SPIC: variants seen among roughly 807,000 people sequenced by gnomAD.
The protein encoded by SPIC is Spi-C transcription factor, also known as transcription factor Spi-C.
In SPIC, 9 loss-of-function variants were observed where a neutral mutation model predicts 16.7. The ratio of observed to expected loss-of-function variants is 0.54; its 90% CI spans 0.33 to 0.94. The LOEUF (loss-of-function observed/expected upper bound fraction) is 0.94. Among genes scored for constraint, SPIC ranks in the 40% least tolerant of loss-of-function variants. The pLI is 0.03. For missense variants in SPIC, 241 were observed against 285.8 expected (o/e 0.84, Z 1.13); for synonymous variants, 97 against 102.9 (o/e 0.94, Z 0.35).
intron 1 of SPIC, among the ~76,000 whole-genome samples, chr12:101,476,200 TAG>T (rs1872952865): frequency 1.3e-5 from 2 of 152,172 alleles, no homozygotes; most frequent in Non-Finnish European, 2.9e-5. Context: ...CTATAGAACG[TAG>T]AGTTAAAAGC....
At chr12:101,476,944 A>G (rs751588550) in intron 2 of SPIC, 37 bp downstream of exon 2, 4 of 1,393,762 alleles carry the variant, frequency 2.9e-6, no homozygotes, top group South Asian at 1.8e-5. Context: ...TACTCTGTCC[A>G]CAGAGGAGCT....
chr12:101,481,624 C>T (rs1012703261), intron 4 of SPIC, among the ~76,000 whole-genome samples: 1 of 151,806 alleles, frequency 6.6e-6, no homozygotes, highest in African/African-American at 2.4e-5. Context: ...ATTCTCCTGC[C>T]TCAGCCTCCC....
intron 5 of SPIC, 54 bp from the exon 6 acceptor site, chr12:101,486,290 A>T: frequency 6.6e-7 from 1 of 1,524,220 alleles, no homozygotes; most frequent in Non-Finnish European, 8.8e-7. Context: ...CTTTCTGAGG[A>T]TGTTCTCGGT....
Position 101,482,838 on chromosome 12 carries a change from T to A in SPIC, c.257T>A (p.Leu86Gln), listed in dbSNP as rs745667622. 1 of 1,614,058 alleles carries A rather than the reference T, an allele frequency of 6.2e-7. No homozygotes were observed. ...FYFEGNIHQS[L>Q]QNITENQLVQ... ...TTTGAAGGAAATATTCATCAATCTC[T>A]GCAGAACATAACTGAAAACCAGCTG... The change falls in exon 5 of 6, where the codon CTG (leucine) becomes CAG (glutamine). Residue 86 changes from leucine (L) to glutamine (Q), a missense_variant. By Grantham distance (113) the Leu-to-Gln change is moderately radical (BLOSUM62 -2). Coordinates refer to ENST00000551346, the MANE Select transcript of SPIC (RefSeq NM_152323.3).
chr12:101,482,735 A>G (rs915256547), intron 4 of SPIC, 57 bp from the exon 5 acceptor site: 2 of 1,529,512 alleles, frequency 1.3e-6, no homozygotes, highest in African/African-American at 1.4e-5. Context: ...ACTTCAGCCT[A>G]TAATAGGGGG....
chr12:101,479,432 A>C (rs1300755838), intron 3 of SPIC, 150 bp from the exon 4 acceptor site: 1 of 576,388 alleles, frequency 1.7e-6, no homozygotes, highest in African/African-American at 1.9e-5. Context: ...ATAGCAGCAT[A>C]ATGAGATAAA....
intron 5 of SPIC, among the ~76,000 whole-genome samples, chr12:101,484,009 T>C (rs1243679908): frequency 6.6e-6 from 1 of 151,814 alleles, no homozygotes; most frequent in Admixed American, 6.6e-5. Flanking sequence ...TTATTTATTT[T>C]TTAATTTTTT....
intron 2 of SPIC, among the ~76,000 whole-genome samples, 168 bp from the exon 3 acceptor site, chr12:101,477,390 A>G (rs1872989263): frequency 1.3e-5 from 2 of 152,298 alleles, no homozygotes; most frequent in East Asian, 3.9e-4. Flanking sequence ...GCTGCTAAAC[A>G]TCGTACAATG....
At chr12:101,485,196 G>A (rs1269745140) in intron 5 of SPIC, among the ~76,000 whole-genome samples, 1 of 152,188 alleles carries the variant, frequency 6.6e-6, no homozygotes, top group Non-Finnish European at 1.5e-5. Flanking sequence ...ACCTCCTCAA[G>A]GGAAAATGGA....
chr12:101,486,103 G>A (rs929783466), intron 5 of SPIC, among the ~76,000 whole-genome samples: 2 of 152,150 alleles, frequency 1.3e-5, no homozygotes, highest in Admixed American at 6.5e-5. Context: ...GCCCGGCCAG[G>A]CAACATTCTT....
intron 2 of SPIC, 77 bp downstream of exon 2, chr12:101,476,984 C>T: frequency 2.5e-6 from 2 of 789,738 alleles, no homozygotes; most frequent in African/African-American, 1.8e-5. Flanking sequence ...AAACTTTTTT[C>T]TTTACTCTCC....
intron 4 of SPIC, 96 bp from the exon 5 acceptor site, chr12:101,482,696 C>T (rs537963293): frequency 5.7e-5 from 67 of 1,175,886 alleles, no homozygotes; most frequent in East Asian, 5.0e-4. Context: ...ATCTGGGAGA[C>T]GCTTAGCCTC....
intron 3 of SPIC, among the ~76,000 whole-genome samples, chr12:101,478,421 G>A (rs1025512498): frequency 1.4e-4 from 21 of 151,886 alleles, no homozygotes; most frequent in African/African-American, 5.1e-4. Flanking sequence ...TGGAACTCCT[G>A]GACTCAAAAA....
rs1873122075 is a variant in SPIC at position 101,479,573 on chromosome 12, TA to T, written c.98-5del. 1 of 1,606,266 alleles carries T rather than the reference TA, an allele frequency of 6.2e-7. No individual in the cohort carries two copies. The highest frequency in any genetic ancestry group is 1.3e-5 in the African/African-American group (1 of 74,516). The stretch of plus-strand genomic sequence containing the variant: ...ACTTTTTTAGTTTCTTTCTCTGATT[TA>T]AAATTAGATTACAGAAATTACCTGG... On this transcript the variant is annotated splice_polypyrimidine_tract_variant and splice_region_variant and intron_variant, in intron 3 of 5. Coordinates refer to ENST00000551346, the MANE Select transcript of SPIC (RefSeq NM_152323.3).
chr12:101,478,352 A>G (rs1016362611), intron 3 of SPIC, among the ~76,000 whole-genome samples: 2 of 151,318 alleles, frequency 1.3e-5, no homozygotes, highest in African/African-American at 4.9e-5. Flanking sequence ...CTTTAATTTA[A>G]TTTTTATTTG....
intron 4 of SPIC, among the ~76,000 whole-genome samples, chr12:101,480,417 C>T (rs1260481146): frequency 6.6e-6 from 1 of 152,190 alleles, no homozygotes; most frequent in Non-Finnish European, 1.5e-5. Context: ...TTCTCAAACT[C>T]AGTGTTATCT....
At chr12:101,477,014 T>G in intron 2 of SPIC, 107 bp downstream of exon 2, 1 of 571,174 alleles carries the variant, frequency 1.8e-6, no homozygotes, top group Non-Finnish European at 2.8e-6. Flanking sequence ...AAAAATAAAA[T>G]ATATCGATCA....
intron 5 of SPIC, among the ~76,000 whole-genome samples, chr12:101,483,818 G>A (rs959441642): frequency 1.3e-5 from 2 of 151,628 alleles, no homozygotes; most frequent in African/African-American, 4.8e-5. Context: ...GGCTGGTCTC[G>A]AAACCCTGGC....
At chr12:101,483,628 T>A (rs998941392) in intron 5 of SPIC, among the ~76,000 whole-genome samples, 3 of 152,120 alleles carry the variant, frequency 2.0e-5, no homozygotes, top group Non-Finnish European at 2.9e-5. Context: ...TTCTTTTTTT[T>A]AATTGTTGCC....
Sources: gnomAD v4.1 joint callset for allele counts (sites outside exome capture counted in the v4.1 genomes callset) on GRCh38, gnomAD v4.1.1 for gene constraint, MANE v1.5 for transcripts, NCBI Gene and HGNC (gene_info 2026-07-23, HGNC 2026-07-21) for gene names.